The following REV3L variants were observed in gnomAD, a reference collection of about 807,000 sequenced individuals.
REV3L encodes REV3 like, DNA directed polymerase zeta catalytic subunit, also known as DNA polymerase zeta catalytic subunit.
In REV3L, 69 loss-of-function variants were observed where a neutral mutation model predicts 299.4. That is an observed-to-expected ratio of 0.23 (90% confidence interval 0.19 to 0.28). The LOEUF is 0.28. REV3L is among the 10% of genes least tolerant of loss of function. REV3L has a pLI of 1.00. For synonymous variants in REV3L, 1,238 were observed against 1,271.4 expected (o/e 0.97, Z 0.56); for missense variants, 3,128 against 3,693.8 (o/e 0.85, Z 3.97).
intron 11 of REV3L, among the ~76,000 whole-genome samples, chr6:111,378,560 C>T (rs775318303): frequency 3.3e-5 from 5 of 152,148 alleles, no homozygotes; most frequent in South Asian, 2.1e-4. Context: ...CTACCCAATG[C>T]GAAAACCTCA....
intron 20 of REV3L, among the ~76,000 whole-genome samples, chr6:111,347,283 T>TA (rs938895666): frequency 6.7e-5 from 10 of 148,828 alleles, no homozygotes; most frequent in African/African-American, 2.5e-4. Context: ...ATAAATAAAA[T>TA]AAAAAAAAAT....
chr6:111,325,084 G>A (rs1265510845), intron 25 of REV3L, among the ~76,000 whole-genome samples: 10 of 152,134 alleles, frequency 6.6e-5, no homozygotes, highest in Admixed American at 6.5e-5. Flanking sequence ...GATGGTCTTG[G>A]TCTCCTGACC....
intron 5 of REV3L, chr6:111,392,659 TTTG>T (rs1782055063): frequency 5.3e-6 from 2 of 380,592 alleles, no homozygotes; most frequent in Admixed American, 7.8e-5. Context: ...TTGTATTCCT[TTTG>T]TTAATTAGGT....
chr6:111,431,711 CTG>C, intron 1 of REV3L: 1 of 964,542 alleles, frequency 1.0e-6, no homozygotes, highest in Non-Finnish European at 1.7e-6. Context: ...GAAAACAACT[CTG>C]TGGATTTGAC....
chr6:111,474,230 A>G (rs984114575), intron 1 of REV3L, among the ~76,000 whole-genome samples: 6 of 152,214 alleles, frequency 3.9e-5, no homozygotes, highest in Admixed American at 3.9e-4. Flanking sequence ...ACATACATGC[A>G]CTATTAGGCA....
At chr6:111,371,813 C>T (rs1779827800) in intron 13 of REV3L, among the ~76,000 whole-genome samples, 1 of 152,134 alleles carries the variant, frequency 6.6e-6, no homozygotes, top group Admixed American at 6.6e-5. Context: ...ATCTGCCCCC[C>T]TCGGCCTCCC....
chr6:111,383,067 C>A (rs975614791), intron 9 of REV3L, among the ~76,000 whole-genome samples: 1 of 152,120 alleles, frequency 6.6e-6, no homozygotes, highest in Non-Finnish European at 1.5e-5. Flanking sequence ...ACTAAAGAGC[C>A]CTTTGGCCTT....
At chr6:111,372,420 G>T (rs1306034211) in intron 13 of REV3L, among the ~76,000 whole-genome samples, 176 bp downstream of exon 13, 3 of 152,066 alleles carry the variant, frequency 2.0e-5, no homozygotes, top group East Asian at 3.8e-4. Context: ...AATTTTCTTA[G>T]TAAGTCTGTA....
intron 25 of REV3L, among the ~76,000 whole-genome samples, chr6:111,323,298 T>C (rs1219414879): frequency 2.0e-5 from 3 of 152,166 alleles, no homozygotes; most frequent in Non-Finnish European, 4.4e-5. Flanking sequence ...TATTCAACTT[T>C]CTTATGTGCC....
chr6:111,449,693 C>G (rs1005561455), intron 1 of REV3L, among the ~76,000 whole-genome samples: 1 of 152,092 alleles, frequency 6.6e-6, no homozygotes, highest in Non-Finnish European at 1.5e-5. Flanking sequence ...CATAAAAAGA[C>G]TTGAAAGGAT....
Position 111,380,107 on chromosome 6 carries a change from A to C in REV3L, c.1329T>G (p.Asn443Lys), listed in dbSNP as rs56248926. The part of the protein sequence containing the change: ...MPSPCRSFGN[N>K]KYPQNSDDEE... ...CATCATCACTATTTTGTGGATATTT[A>C]TTATTTCCAAAGGAGCGACATGGTG... Residue 443 changes from asparagine to lysine, a missense_variant, in exon 11 of 32, where the codon AAT (asparagine) becomes AAG (lysine). Physicochemically the swap from Asn to Lys is moderately conservative, Grantham distance 94 (BLOSUM62 0). This residue lies in a region of REV3L where 2,409 missense variants were observed against 2,611.8 expected (regional missense o/e 0.92). Coordinates refer to ENST00000368802, the MANE Select transcript of REV3L (RefSeq NM_001372078.1). 20 of 1,613,546 alleles carry C rather than the reference A, an allele frequency of 1.2e-5. No homozygotes were observed. In the East Asian group the frequency reaches 2.2e-4, roughly 18 times the overall value.
intron 29 of REV3L, chr6:111,310,847 C>CAA (rs1329498690): frequency 2.4e-6 from 1 of 409,372 alleles, no homozygotes; most frequent in Non-Finnish European, 4.3e-6. Context: ...GACTGTGTCA[C>CAA]AATTTCTTTG....
At chr6:111,340,525 G>A (rs1351835720) in intron 21 of REV3L, among the ~76,000 whole-genome samples, 1 of 152,176 alleles carries the variant, frequency 6.6e-6, no homozygotes, top group South Asian at 2.1e-4. Context: ...GGGTACCTTT[G>A]TGTTTTACAG....
At chr6:111,404,720 A>G (rs1441340005) in intron 4 of REV3L, among the ~76,000 whole-genome samples, 1 of 152,244 alleles carries the variant, frequency 6.6e-6, no homozygotes, top group Non-Finnish European at 1.5e-5. Context: ...AGAGGAAATC[A>G]CTTATTCAAA....
intron 9 of REV3L, among the ~76,000 whole-genome samples, chr6:111,386,467 A>G (rs565873091): frequency 2.6e-5 from 4 of 152,334 alleles, no homozygotes; most frequent in Admixed American, 1.3e-4. Context: ...GTGAGGATAT[A>G]GAGCCAGAGA....
At chr6:111,463,629 T>G (rs74625331) in intron 1 of REV3L, among the ~76,000 whole-genome samples, 3,592 of 152,280 alleles carry the variant, frequency 0.024, 59 homozygotes, top group Admixed American at 0.063. Context: ...ATACAGTAAA[T>G]TTTCACTTAA....
At chr6:111,483,279 A>G (rs556741811), upstream of REV3L, 8 of 351,810 alleles carry the variant, frequency 2.3e-5, no homozygotes, top group African/African-American at 2.1e-4. Flanking sequence ...GGCTGCGAGT[A>G]GTGCGGGGGA....
intron 25 of REV3L, among the ~76,000 whole-genome samples, chr6:111,326,314 T>C (rs1774808482): frequency 6.6e-6 from 1 of 152,090 alleles, no homozygotes; most frequent in Admixed American, 6.5e-5. Flanking sequence ...CGATTAAAAA[T>C]GCACAAAAGG....
chr6:111,380,298 G>A, intron 10 of REV3L, 79 bp from the exon 11 acceptor site: 2 of 1,049,022 alleles, frequency 1.9e-6, no homozygotes, highest in Non-Finnish European at 2.8e-6. Context: ...CTCTCACCCA[G>A]GCTGGAGTTG....
Sources: allele counts gnomAD v4.1 joint callset (sites outside exome capture counted in the v4.1 genomes callset), GRCh38; gene constraint gnomAD v4.1.1; regional missense constraint gnomAD v4.1.1; transcripts MANE v1.5; gene names NCBI Gene and HGNC (gene_info 2026-07-23, HGNC 2026-07-21).